PIGN: variants seen among roughly 807,000 people sequenced by gnomAD.
PIGN encodes the protein GPI ethanolamine phosphate transferase 1.
Under a neutral mutation model 125.4 loss-of-function variants are expected in PIGN, and 117 were observed. The observed-to-expected ratio is 0.93, with a 90% CI of 0.80 to 1.09. The LOEUF is 1.09. Among genes scored for constraint, PIGN ranks in the 50% least tolerant of loss-of-function variants. The pLI is 0.00. For missense variants in PIGN, 1,075 were observed against 1,094.9 expected (o/e 0.98, Z 0.26); for synonymous variants, 392 against 377.8 (o/e 1.04, Z -0.44).
At chr18:62,083,052 T>A (rs938764179) in intron 27 of PIGN, among the ~76,000 whole-genome samples, 1 of 152,078 alleles carries the variant, frequency 6.6e-6, no homozygotes, top group East Asian at 1.9e-4. Flanking sequence ...TTAACCACAA[T>A]GTTCAAAAGA....
intron 22 of PIGN, among the ~76,000 whole-genome samples, chr18:62,097,939 C>A (rs547266818): frequency 6.6e-6 from 1 of 152,270 alleles, no homozygotes; most frequent in East Asian, 1.9e-4. Context: ...ACTTTCTAAT[C>A]CCCCTAGTGC....
intron 21 of PIGN, among the ~76,000 whole-genome samples, chr18:62,102,104 G>C (rs2034467396): frequency 6.6e-6 from 1 of 151,566 alleles, no homozygotes; most frequent in Non-Finnish European, 1.5e-5. Context: ...GCTCTCGCCT[G>C]TAATCCCAGC....
At chr18:62,177,067 C>T (rs1568261778) in intron 1 of PIGN, among the ~76,000 whole-genome samples, 1 of 152,002 alleles carries the variant, frequency 6.6e-6, no homozygotes, top group Non-Finnish European at 1.5e-5. Flanking sequence ...TTCAGGTAAC[C>T]TTTGTTCTTG....
At chr18:62,018,495 G>A (rs1191317775) in intron 23 of PIGN, among the ~76,000 whole-genome samples, 1 of 152,172 alleles carries the variant, frequency 6.6e-6, no homozygotes, top group African/African-American at 2.4e-5. Context: ...CAGAAGCATC[G>A]AATGCAGTAC....
At chr18:62,146,582 T>C (rs1245854874) in intron 9 of PIGN, among the ~76,000 whole-genome samples, 6 of 152,194 alleles carry the variant, frequency 3.9e-5, no homozygotes, top group Admixed American at 3.9e-4. Context: ...CACATTGCAT[T>C]TGCCTTGGGA....
At chr18:62,148,506 C>T (rs993472430) in intron 7 of PIGN, among the ~76,000 whole-genome samples, 168 bp from the exon 8 acceptor site, 2 of 152,092 alleles carry the variant, frequency 1.3e-5, no homozygotes, top group Non-Finnish European at 2.9e-5. Context: ...TCAGTTCAGA[C>T]ATCTATGTTC....
intron 7 of PIGN, among the ~76,000 whole-genome samples, 198 bp from the exon 8 acceptor site, chr18:62,148,536 TTC>T (rs2036418599): frequency 6.6e-6 from 1 of 152,140 alleles, no homozygotes; most frequent in Non-Finnish European, 1.5e-5. Flanking sequence ...GTTAGCTGTT[TTC>T]TCTGTTATAA....
intron 1 of PIGN, among the ~76,000 whole-genome samples, chr18:62,167,286 ATGTGTGTGTGTGTGTGTGTGTGTG>A (rs61310777): frequency 1.1e-4 from 15 of 139,398 alleles, no homozygotes; most frequent in Non-Finnish European, 1.8e-4. Flanking sequence ...AGAGATATAT[ATGTGTGTGTGTGTGTGTGTGTGTG>A]TGTGTGTGTG....
At chr18:62,159,465 T>C (rs2036861324) in intron 4 of PIGN, among the ~76,000 whole-genome samples, 1 of 152,246 alleles carries the variant, frequency 6.6e-6, no homozygotes, top group South Asian at 2.1e-4. Flanking sequence ...AAATGAAGTA[T>C]ATTTCTCTCT....
chr18:62,113,938 T>A (rs940528091), intron 15 of PIGN, among the ~76,000 whole-genome samples: 1 of 152,342 alleles, frequency 6.6e-6, no homozygotes, highest in Middle Eastern at 3.4e-3. Flanking sequence ...AGACTTTTAA[T>A]AATGTATAGA....
intron 23 of PIGN, 106 bp from the exon 24 acceptor site, chr18:62,090,684 C>T (rs1174038671): frequency 3.3e-6 from 2 of 612,962 alleles, no homozygotes; most frequent in Non-Finnish European, 5.7e-6. Context: ...TTTGATAATA[C>T]TTCTAAGTCA....
chr18:62,106,477 A>G (rs557021676), intron 19 of PIGN, among the ~76,000 whole-genome samples: 2 of 152,018 alleles, frequency 1.3e-5, no homozygotes, highest in African/African-American at 4.8e-5. Flanking sequence ...GCTGCTCTGG[A>G]CGACTCCTTG....
At chr18:62,149,426 C>G (rs2036452596) in intron 7 of PIGN, among the ~76,000 whole-genome samples, 1 of 152,076 alleles carries the variant, frequency 6.6e-6, no homozygotes, top group African/African-American at 2.4e-5. Flanking sequence ...TAATTGAGAG[C>G]TGAAAACAAA....
At chr18:62,040,875 A>G (rs996649920), downstream of PIGN, among the ~76,000 whole-genome samples, 5 of 152,230 alleles carry the variant, frequency 3.3e-5, no homozygotes, top group African/African-American at 4.8e-5. Flanking sequence ...TTCACTGAAC[A>G]TTATCTGCTT....
At chr18:62,063,995 T>G (rs1424550476) in intron 30 of PIGN, among the ~76,000 whole-genome samples, 1 of 151,566 alleles carries the variant, frequency 6.6e-6, no homozygotes, top group Non-Finnish European at 1.5e-5. Context: ...AGCTAATGGG[T>G]GCAGCACACC....
chr18:62,179,995 G>A, intron 1 of PIGN, among the ~76,000 whole-genome samples: 1 of 151,966 alleles, frequency 6.6e-6, no homozygotes, highest in Non-Finnish European at 1.5e-5. Flanking sequence ...CAATTTAATT[G>A]AACACTATCC....
intron 23 of PIGN, among the ~76,000 whole-genome samples, chr18:62,026,825 A>G (rs1458155086): frequency 6.6e-6 from 1 of 152,200 alleles, no homozygotes; most frequent in African/African-American, 2.4e-5. Context: ...ATCACAGAAC[A>G]ATGTGGAGCC....
chr18:62,132,588 T>C (rs943193197), intron 14 of PIGN, among the ~76,000 whole-genome samples: 1 of 152,084 alleles, frequency 6.6e-6, no homozygotes, highest in Non-Finnish European at 1.5e-5. Flanking sequence ...ACACCTGCAA[T>C]CCCAGCACTT....
chr18:62,180,416 C>T (rs2037675491), intron 1 of PIGN, among the ~76,000 whole-genome samples: 2 of 152,134 alleles, frequency 1.3e-5, no homozygotes, highest in Admixed American at 6.5e-5. Context: ...AAATTTTCAA[C>T]TTTACAAGTG....
Sources: allele counts gnomAD v4.1 joint callset (sites outside exome capture counted in the v4.1 genomes callset), GRCh38; gene constraint gnomAD v4.1.1; transcripts MANE v1.5; gene names NCBI Gene and HGNC (gene_info 2026-07-23, HGNC 2026-07-21).